ELP4: variants seen among roughly 807,000 people sequenced by gnomAD.
The protein encoded by ELP4 is elongator acetyltransferase complex subunit 4, also known as elongator complex protein 4.
In ELP4, 51 loss-of-function variants were observed where a neutral mutation model predicts 48.9. The ratio of observed to expected loss-of-function variants is 1.04; its 90% confidence interval spans 0.83 to 1.32. The LOEUF is 1.32. ELP4 is among the 40% of genes most tolerant of loss of function. The pLI is 0.00. For missense variants in ELP4, 519 were observed against 514.6 expected, an observed-to-expected ratio of 1.01 and a Z score of -0.08; for synonymous variants, 210 against 189.2, an observed-to-expected ratio of 1.11 and a Z score of -0.90.
rs530914222 is a variant in ELP4, at chr11:31,619,365, T to C, written c.654-7745T>C. On this transcript the variant is annotated intron_variant, in intron 5 of 9. Transcript: ENST00000640961. The stretch of plus-strand genomic sequence containing the variant: ...TACACGTGCTGAGAATGTGGTGTCT[T>C]AGTCTGTTCAGGCTACTATAACAAA... Among the ~76,000 whole-genome samples, 22 of 152,132 alleles carry C rather than the reference T, an allele frequency of 1.4e-4. No homozygotes were observed. The South Asian group carries it at 4.6e-3, about 32-fold the overall frequency.
chr11:31,542,218 T>C (rs777194077), intron 3 of ELP4, among the ~76,000 whole-genome samples: 4 of 152,150 alleles, frequency 2.6e-5, no homozygotes, highest in African/African-American at 4.8e-5. Context: ...AGTACAGTGT[T>C]TCCAAGCCAC....
intron 2 of ELP4, among the ~76,000 whole-genome samples, chr11:31,525,883 TC>T (rs913397012): frequency 5.9e-5 from 9 of 152,272 alleles, no homozygotes; most frequent in African/African-American, 2.2e-4. Flanking sequence ...ATTAAGCTGT[TC>T]CAATGGTCTG....
intron 5 of ELP4, among the ~76,000 whole-genome samples, chr11:31,605,003 A>C (rs1957848301): frequency 6.6e-6 from 1 of 152,020 alleles, no homozygotes; most frequent in African/African-American, 2.4e-5. Flanking sequence ...ATGAAGTCCC[A>C]TTTTCTAGAA....
intron 9 of ELP4, among the ~76,000 whole-genome samples, chr11:31,696,238 T>C (rs772336692): frequency 9.2e-5 from 14 of 152,206 alleles, no homozygotes; most frequent in Non-Finnish European, 1.9e-4. Flanking sequence ...CTTGCTTCTC[T>C]AGTTCTTTTA....
At chr11:31,575,252 A>G (rs1368345209) in intron 3 of ELP4, among the ~76,000 whole-genome samples, 1 of 152,236 alleles carries the variant, frequency 6.6e-6, no homozygotes, top group Admixed American at 6.5e-5. Context: ...AAAGACTAAA[A>G]AGAAATGAAC....
At chr11:31,580,257 G>A (rs1957365897) in intron 3 of ELP4, among the ~76,000 whole-genome samples, 1 of 152,070 alleles carries the variant, frequency 6.6e-6, no homozygotes, top group African/African-American at 2.4e-5. Flanking sequence ...ACTACTTCAT[G>A]GAAAAAGAAA....
At chr11:31,679,990 T>C (rs925018746) in intron 9 of ELP4, among the ~76,000 whole-genome samples, 1 of 152,198 alleles carries the variant, frequency 6.6e-6, no homozygotes, top group Non-Finnish European at 1.5e-5. Flanking sequence ...AGTTTAGATT[T>C]TCCTACTCTT....
chr11:31,677,865 G>A (rs1310340858), intron 9 of ELP4, among the ~76,000 whole-genome samples: 1 of 152,080 alleles, frequency 6.6e-6, no homozygotes, highest in Non-Finnish European at 1.5e-5. Context: ...ATTATTGACT[G>A]AAGTCCATAC....
intron 1 of ELP4, among the ~76,000 whole-genome samples, chr11:31,518,331 C>T (rs779075639): frequency 3.6e-4 from 55 of 151,968 alleles, no homozygotes; most frequent in Non-Finnish European, 5.7e-4. Context: ...GTCTCGAACT[C>T]CTGACTTCAG....
chr11:31,660,565 T>G (rs1037394938), intron 9 of ELP4, among the ~76,000 whole-genome samples: 1 of 152,118 alleles, frequency 6.6e-6, no homozygotes, highest in African/African-American at 2.4e-5. Context: ...ATACTTGATA[T>G]AAATAATAAT....
At chr11:31,605,803 A>G (rs555366582) in intron 5 of ELP4, among the ~76,000 whole-genome samples, 66 of 152,268 alleles carry the variant, frequency 4.3e-4, no homozygotes, top group Non-Finnish European at 7.4e-4. Flanking sequence ...AATTTTGCCA[A>G]CAACCCTCCA....
At chr11:31,673,969 A>G (rs1945862979) in intron 9 of ELP4, among the ~76,000 whole-genome samples, 1 of 152,232 alleles carries the variant, frequency 6.6e-6, no homozygotes, top group Non-Finnish European at 1.5e-5. Context: ...AATATTGCCC[A>G]TGTTAGAGAA....
Position 31,560,701 on chromosome 11 carries a change from T to A in ELP4, c.381+20918T>A, listed in dbSNP as rs1365694591. On this transcript the variant is annotated intron_variant, in intron 3 of 9. Transcript: ENST00000640961. ...AAGACCACATTGTTTTATATATATA[T>A]AAAACAACGTTGTTTTATATATATA... Among the ~76,000 whole-genome samples the A allele has an allele frequency of 1.2e-4, 17 of 147,530 alleles. 1 individual carries two copies. Among genetic ancestry groups the A allele is most frequent in the East Asian group, 2.0e-4 (1 of 5,086 alleles).
At chr11:31,522,110 A>C (rs973633512) in intron 2 of ELP4, among the ~76,000 whole-genome samples, 1 of 152,312 alleles carries the variant, frequency 6.6e-6, no homozygotes, top group South Asian at 2.1e-4. Context: ...AGTACTGTTT[A>C]AGACAGAATT....
chr11:31,527,501 T>C (rs543329813), intron 2 of ELP4, among the ~76,000 whole-genome samples: 27 of 152,122 alleles, frequency 1.8e-4, no homozygotes, highest in Non-Finnish European at 3.4e-4. Context: ...TCTCTTCCTA[T>C]GGACTCTGGA....
At chr11:31,695,799 AG>A (rs372839764) in intron 9 of ELP4, among the ~76,000 whole-genome samples, 93,907 of 102,202 alleles carry the variant, frequency 0.92, 43,835 homozygotes, top group Non-Finnish European at 1. Flanking sequence ...TCTGATCCTG[AG>A]CTTTTTTTGG....
intron 2 of ELP4, among the ~76,000 whole-genome samples, chr11:31,532,095 G>A (rs1956404294): frequency 6.6e-6 from 1 of 152,096 alleles, no homozygotes; most frequent in African/African-American, 2.4e-5. Flanking sequence ...TATGAGGTAG[G>A]TATAATTTTA....
intron 3 of ELP4, among the ~76,000 whole-genome samples, chr11:31,578,774 A>G (rs1458091695): frequency 6.6e-6 from 1 of 152,238 alleles, no homozygotes; most frequent in Non-Finnish European, 1.5e-5. Flanking sequence ...CTTACACCTT[A>G]TACAAAAATT....
At chr11:31,741,310 C>A (rs901929210) in intron 9 of ELP4, among the ~76,000 whole-genome samples, 13 of 152,186 alleles carry the variant, frequency 8.5e-5, no homozygotes, top group Non-Finnish European at 1.8e-4. Context: ...GTAGGCTCCA[C>A]CTCTGGGGGC....
Sources: gnomAD v4.1 joint callset for allele counts (sites outside exome capture counted in the v4.1 genomes callset) on GRCh38, gnomAD v4.1.1 for gene constraint, MANE v1.5 for transcripts, NCBI Gene and HGNC (gene_info 2026-07-23, HGNC 2026-07-21) for gene names.